NOVA1: variants seen among roughly 807,000 people sequenced by gnomAD.
The protein encoded by NOVA1 is NOVA alternative splicing regulator 1.
A neutral mutation model predicts 38.0 loss-of-function variants in NOVA1; 7 were observed. That is an observed-to-expected ratio of 0.18 (90% CI 0.10 to 0.35). The LOEUF is 0.35. Among genes scored for constraint, NOVA1 ranks in the 10% least tolerant of loss-of-function variants. The pLI, the probability that NOVA1 is intolerant of heterozygous loss-of-function variation, is 1.00. For missense variants in NOVA1, 460 were observed against 616.0 expected (o/e 0.75, Z 2.68); for synonymous variants, 270 against 232.5 (o/e 1.16, Z -1.47).
chr14:26,597,036 T>C, intron 1 of NOVA1: 1 of 1,216,806 alleles, frequency 8.2e-7, no homozygotes, highest in Non-Finnish European at 1.0e-6. Context: ...ACCGATTAAA[T>C]GGAAAGATAG....
Position 26,597,516 on chromosome 14 carries a change from T to C in NOVA1, c.-80A>G. On this transcript the variant is annotated 5_prime_UTR_variant, in exon 1 of 5. Transcript: ENST00000539517. ...TTTTCTTTTCTTTTTTCTTTTTTTT[T>C]TTTTTTTTTTTTTGCGTTTGGGGTT... 2 of 1,160,236 alleles carry C rather than the reference T, an allele frequency of 1.7e-6. No individual in the cohort carries two copies. Among genetic ancestry groups the C allele is most frequent in the Admixed American group, 4.7e-5 (1 of 21,146 alleles). The allele number at this position is 1,160,236 out of a possible 1,614,324, so 71.9% of individuals were successfully genotyped here.
intron 4 of NOVA1, among the ~76,000 whole-genome samples, chr14:26,467,778 G>C (rs559396127): frequency 6.6e-6 from 1 of 152,266 alleles, no homozygotes; most frequent in Non-Finnish European, 1.5e-5. Context: ...TACAAATGCT[G>C]CTTCATTAAG....
intron 2 of NOVA1, among the ~76,000 whole-genome samples, chr14:26,571,302 C>T (rs111674687): frequency 0.017 from 2,577 of 152,148 alleles, 23 homozygotes; most frequent in Non-Finnish European, 0.024. Flanking sequence ...GGAAGTATTC[C>T]TCCCCTAAGG....
At chr14:26,523,844 G>A (rs1433196400) in intron 2 of NOVA1, among the ~76,000 whole-genome samples, 5 of 145,604 alleles carry the variant, frequency 3.4e-5, no homozygotes, top group East Asian at 2.1e-4. Context: ...TCCGCCTCCC[G>A]GGTTCACGCC....
At chr14:26,457,951 C>A (rs178221) in intron 4 of NOVA1, among the ~76,000 whole-genome samples, 1 of 152,028 alleles carries the variant, frequency 6.6e-6, no homozygotes, top group South Asian at 2.1e-4. Flanking sequence ...AGTTTTAAAA[C>A]TAAAACAAAA....
At chr14:26,478,068 A>C (rs1248836062) in intron 3 of NOVA1, among the ~76,000 whole-genome samples, 1 of 151,986 alleles carries the variant, frequency 6.6e-6, no homozygotes, top group Non-Finnish European at 1.5e-5. Context: ...AAATGGATGC[A>C]AATACACAAA....
At chr14:26,595,032 C>A (rs574646820) in intron 2 of NOVA1, among the ~76,000 whole-genome samples, 8 of 152,114 alleles carry the variant, frequency 5.3e-5, no homozygotes, top group East Asian at 1.9e-4. Flanking sequence ...CCCTACCCCC[C>A]TCTTCTGAAT....
chr14:26,552,799 T>C (rs889086214), intron 2 of NOVA1, among the ~76,000 whole-genome samples: 1 of 152,162 alleles, frequency 6.6e-6, no homozygotes, highest in East Asian at 1.9e-4. Flanking sequence ...ATTTTAAATG[T>C]ATTCAGAGAA....
intron 2 of NOVA1, among the ~76,000 whole-genome samples, chr14:26,552,965 C>A (rs1029291495): frequency 6.6e-6 from 1 of 152,088 alleles, no homozygotes; most frequent in South Asian, 2.1e-4. Context: ...GTCAGATCAC[C>A]TGGGGCCTTC....
chr14:26,516,862 T>C (rs1888505059), intron 2 of NOVA1, among the ~76,000 whole-genome samples: 1 of 151,410 alleles, frequency 6.6e-6, no homozygotes, highest in South Asian at 2.1e-4. Context: ...TGGCCTACAA[T>C]GGCCTTCATG....
chr14:26,508,064 G>A (rs1887776816), intron 2 of NOVA1, among the ~76,000 whole-genome samples: 1 of 151,940 alleles, frequency 6.6e-6, no homozygotes, highest in Non-Finnish European at 1.5e-5. Context: ...TATTATATTT[G>A]AGAGTTCTGC....
At chr14:26,514,928 A>C (rs922169213) in intron 2 of NOVA1, among the ~76,000 whole-genome samples, 7 of 151,840 alleles carry the variant, frequency 4.6e-5, no homozygotes, top group Non-Finnish European at 1.0e-4. Context: ...ATTTTCTTCT[A>C]TCATTCTACC....
chr14:26,570,069 G>A (rs1280173366), intron 2 of NOVA1, among the ~76,000 whole-genome samples: 20 of 152,104 alleles, frequency 1.3e-4, no homozygotes, highest in Admixed American at 1.0e-3. Flanking sequence ...AACTAAGGCC[G>A]GATGCAGTGT....
At position 26,579,541 on chromosome 14, in the gene NOVA1, C is replaced by A. The variant is rs534312630; in HGVS notation, c.280+15869G>T. ...TCATACTTACAGTTAGTTGATCTTG[C>A]AATAGTATTACATGAAACTTAAAAT... On this transcript the variant is annotated intron_variant, in intron 2 of 4. Coordinates refer to ENST00000539517, the MANE Select transcript of NOVA1 (RefSeq NM_002515.3). Among the ~76,000 whole-genome samples, 6 of 152,084 alleles carry A rather than the reference C, an allele frequency of 3.9e-5. No homozygotes were observed. The South Asian group carries it at 1.2e-3, about 32-fold the overall frequency.
chr14:26,531,602 C>A (rs560210885), intron 2 of NOVA1, among the ~76,000 whole-genome samples: 1 of 126,448 alleles, frequency 7.9e-6, no homozygotes, highest in Admixed American at 8.9e-5. Context: ...AGCGAAACTC[C>A]GTCTCAAAAC....
chr14:26,542,136 A>C (rs1017737533), intron 2 of NOVA1, among the ~76,000 whole-genome samples: 8 of 151,918 alleles, frequency 5.3e-5, no homozygotes, highest in African/African-American at 1.9e-4. Flanking sequence ...TATTTCCAAC[A>C]ACATGAAAAT....
chr14:26,447,097 G>T lies in NOVA1; in HGVS notation c.*862C>A, dbSNP rs1444811999. On this transcript the variant is annotated 3_prime_UTR_variant, in exon 5 of 5. Coordinates refer to ENST00000539517, the MANE Select transcript of NOVA1 (RefSeq NM_002515.3). ...CATTATCAGCTATCAATAATTTGTTGGCACTTTCACTTTTGTTTATAAAAT... is the reference window on the plus strand; with the variant it reads ...CATTATCAGCTATCAATAATTTGTTTGCACTTTCACTTTTGTTTATAAAAT... The T allele has an allele frequency of 1.3e-5, 2 of 152,620 alleles. No individual in the cohort carries two copies. The highest frequency in any genetic ancestry group is 2.9e-5 in the Non-Finnish European group (2 of 68,040). 9.5% of individuals were successfully genotyped at this position (152,620 alleles called of 1,614,324 possible). A position where few individuals can be genotyped will look rare whatever the true frequency, so the allele number is the denominator to read the frequency against.
chr14:26,506,962 T>C (rs1241021362), intron 2 of NOVA1, among the ~76,000 whole-genome samples: 1 of 152,214 alleles, frequency 6.6e-6, no homozygotes, highest in South Asian at 2.1e-4. Context: ...AGAATGATTT[T>C]ATTTAATCAT....
intron 1 of NOVA1, chr14:26,596,599 G>T: frequency 7.8e-7 from 1 of 1,289,132 alleles, no homozygotes; most frequent in Non-Finnish European, 1.0e-6. Context: ...TGGGTGCATT[G>T]TTAAGATGAT....
Sources: gnomAD v4.1 joint callset for allele counts (sites outside exome capture counted in the v4.1 genomes callset) on GRCh38, gnomAD v4.1.1 for gene constraint, MANE v1.5 for transcripts, NCBI Gene and HGNC (gene_info 2026-07-23, HGNC 2026-07-21) for gene names.